Variants in RAD51B observed in about 807,000 individuals in gnomAD.
The protein encoded by RAD51B is RAD51 paralog B, also known as DNA repair protein RAD51 homolog 2.
RAD51B carries 38 observed loss-of-function variants against 42.2 expected under a neutral mutation model. The observed-to-expected ratio is 0.90, with a 90% CI of 0.70 to 1.18. The LOEUF is 1.18. Among genes scored for constraint, RAD51B ranks in the 50% most tolerant of loss-of-function variants. The pLI is 0.00. For missense variants in RAD51B, 373 were observed against 400.7 expected (o/e 0.93, Z 0.59); for synonymous variants, 154 against 145.2 (o/e 1.06, Z -0.43).
At chr14:67,888,078 A>G (rs1278958689) in intron 7 of RAD51B, among the ~76,000 whole-genome samples, 6 of 152,220 alleles carry the variant, frequency 3.9e-5, no homozygotes, top group African/African-American at 9.6e-5. Context: ...CATAAAGAAT[A>G]TGTATAAATA....
intron 7 of RAD51B, among the ~76,000 whole-genome samples, chr14:68,237,632 C>G (rs143567140): frequency 5.3e-5 from 8 of 151,710 alleles, no homozygotes; most frequent in Admixed American, 6.6e-5. Flanking sequence ...CTTTCTGTCT[C>G]TATGGATTTG....
chr14:67,829,400 G>A (rs1481681323), intron 3 of RAD51B, among the ~76,000 whole-genome samples: 4 of 151,942 alleles, frequency 2.6e-5, no homozygotes, highest in Non-Finnish European at 4.4e-5. Flanking sequence ...CCACCTCCAC[G>A]CCTGGCTAAG....
chr14:68,279,953 T>C (rs1566781196), intron 7 of RAD51B, among the ~76,000 whole-genome samples: 1 of 152,262 alleles, frequency 6.6e-6, no homozygotes, highest in Non-Finnish European at 1.5e-5. Flanking sequence ...CCAGTGTTGT[T>C]TGTGGCTCTT....
At chr14:67,940,043 TATATATATATA>T (rs1464461782) in intron 7 of RAD51B, among the ~76,000 whole-genome samples, 32 of 15,046 alleles carry the variant, frequency 2.1e-3, no homozygotes, top group South Asian at 9.3e-3. Context: ...TATATATATA[TATATATATATA>T]TTTTTTTTTT....
chr14:68,512,258 C>T (rs1202188914), intron 10 of RAD51B, among the ~76,000 whole-genome samples: 4 of 145,712 alleles, frequency 2.7e-5, no homozygotes, highest in African/African-American at 9.7e-5. Context: ...AGCAGAGATT[C>T]TCTGGATCCA....
downstream of RAD51B, among the ~76,000 whole-genome samples, chr14:68,479,023 A>G (rs1272099782): frequency 6.6e-6 from 1 of 152,172 alleles, no homozygotes; most frequent in Non-Finnish European, 1.5e-5. Flanking sequence ...AGAGCATCTT[A>G]TTCAGCTGGA....
intron 7 of RAD51B, among the ~76,000 whole-genome samples, chr14:67,989,635 C>CAAAAAAAAAAAAAAAAAAAAAA (rs764608072): frequency 1.5e-5 from 1 of 66,902 alleles, no homozygotes; most frequent in Non-Finnish European, 2.8e-5. Flanking sequence ...AACTCTGTCT[C>CAAAAAAAAAAAAAAAAAAAAAA]AAAAAAAAAA....
In RAD51B at chr14:68,345,810, G is replaced by T. The variant is rs547643031; in HGVS notation, c.853+53830G>T. On this transcript the variant is annotated intron_variant, in intron 8 of 10. Transcript: ENST00000471583. ...CAAGGAGCTGGGATTACAGGAGTGT[G>T]CTACCACGCCCAGCTAATTTTTGTA... Among the ~76,000 whole-genome samples the T allele has an allele frequency of 7.2e-5, 11 of 152,280 alleles. 1 individual carries two copies. In the South Asian group the frequency reaches 1.9e-3, roughly 26 times the overall value.
At chr14:68,137,180 G>A (rs913681497) in intron 7 of RAD51B, among the ~76,000 whole-genome samples, 5 of 152,132 alleles carry the variant, frequency 3.3e-5, no homozygotes, top group African/African-American at 1.2e-4. Flanking sequence ...GGAGGCTGAG[G>A]CAGGAGAATC....
intron 10 of RAD51B, chr14:68,545,579 G>C: frequency 2.2e-6 from 1 of 456,078 alleles, no homozygotes; most frequent in South Asian, 1.5e-5. Context: ...ACATTTTGGA[G>C]ACCCAAAGGA....
chr14:68,511,636 C>T (rs1364834715), intron 10 of RAD51B, among the ~76,000 whole-genome samples: 1 of 152,222 alleles, frequency 6.6e-6, no homozygotes, highest in Non-Finnish European at 1.5e-5. Context: ...TTGCTCTCAG[C>T]AGGACACATG....
chr14:68,174,941 A>G (rs567577075), intron 7 of RAD51B, among the ~76,000 whole-genome samples: 134 of 152,296 alleles, frequency 8.8e-4, no homozygotes, highest in African/African-American at 3.2e-3. Context: ...CTCCTTGCAA[A>G]TAATGATATT....
intron 7 of RAD51B, among the ~76,000 whole-genome samples, chr14:68,154,955 G>A (rs893362320): frequency 2.6e-5 from 4 of 152,072 alleles, no homozygotes; most frequent in Admixed American, 6.6e-5. Context: ...TAGAGAGTTA[G>A]GAAAGAGAAT....
intron 4 of RAD51B, among the ~76,000 whole-genome samples, chr14:67,860,909 T>G (rs539892265): frequency 6.6e-6 from 1 of 152,318 alleles, no homozygotes; most frequent in South Asian, 2.1e-4. Context: ...AATCTGACTG[T>G]TAGGCTGGGC....
chr14:68,133,998 A>C (rs1424761113), intron 7 of RAD51B, among the ~76,000 whole-genome samples: 1 of 152,102 alleles, frequency 6.6e-6, no homozygotes, highest in Non-Finnish European at 1.5e-5. Flanking sequence ...TAATGCATGC[A>C]TTCATTTTTG....
At chr14:68,302,738 G>A (rs2081771477) in intron 8 of RAD51B, among the ~76,000 whole-genome samples, 1 of 152,198 alleles carries the variant, frequency 6.6e-6, no homozygotes, top group African/African-American at 2.4e-5. Flanking sequence ...GGAAACGAAG[G>A]GATGGGCCAA....
At chr14:68,549,450 C>T (rs1476998707) in intron 10 of RAD51B, among the ~76,000 whole-genome samples, 1 of 88,074 alleles carries the variant, frequency 1.1e-5, no homozygotes, top group Non-Finnish European at 2.4e-5. Flanking sequence ...GAGTTTCGCT[C>T]TGTCGCCCAG....
chr14:68,102,368 A>G (rs2077305631), intron 7 of RAD51B, among the ~76,000 whole-genome samples: 1 of 152,176 alleles, frequency 6.6e-6, no homozygotes, highest in Non-Finnish European at 1.5e-5. Flanking sequence ...TTAAAACTTT[A>G]TGCTTTGCAT....
intron 10 of RAD51B, chr14:68,497,054 T>G (rs1489781631): frequency 5.5e-6 from 7 of 1,282,740 alleles, no homozygotes; most frequent in Non-Finnish European, 7.3e-6. Flanking sequence ...TTAGCCTCAG[T>G]AGGCTTTATG....
Sources: allele counts gnomAD v4.1 joint callset (sites outside exome capture counted in the v4.1 genomes callset), GRCh38; gene constraint gnomAD v4.1.1; transcripts MANE v1.5; gene names NCBI Gene and HGNC (gene_info 2026-07-23, HGNC 2026-07-21).